Variants in CTSH observed in about 807,000 individuals in gnomAD.
The protein encoded by CTSH is pro-cathepsin H.
Under a neutral mutation model 56.3 loss-of-function variants are expected in CTSH, and 52 were observed. The observed-to-expected ratio is 0.92, with a 90% CI of 0.74 to 1.16. The LOEUF is 1.16. Ranked by LOEUF, CTSH falls within the 50% of genes most tolerant of loss-of-function variation. CTSH has a pLI of 0.00. For synonymous variants in CTSH, 174 were observed against 155.7 expected (o/e 1.12, Z -0.88); for missense variants, 406 against 424.5 (o/e 0.96, Z 0.38).
At position 78,944,964 on chromosome 15, in the gene CTSH, C is replaced by T; in HGVS notation, c.18G>A (p.Pro6=). Residue 6 remains proline (P), a synonymous_variant, in exon 1 of 12, where the codon CCG becomes CCA. Coordinates refer to ENST00000220166, the MANE Select transcript of CTSH (RefSeq NM_004390.5). MWATL[P]LLCAGAWLLG... ...GGAGCCAGGCCCCGGCGCAGAGCAG[C>T]GGCAGCGTGGCCCACATCGCAGCGC... is the stretch of plus-strand genomic sequence containing the variant. The T allele has an allele frequency of 6.5e-7, 1 of 1,545,302 alleles. No individual in the cohort carries two copies. Among genetic ancestry groups the T allele is most frequent in the South Asian group, 1.2e-5 (1 of 83,580 alleles).
At chr15:78,934,183 C>T (rs1482865563) in intron 5 of CTSH, among the ~76,000 whole-genome samples, 1 of 152,220 alleles carries the variant, frequency 6.6e-6, no homozygotes, top group Non-Finnish European at 1.5e-5. Flanking sequence ...ACACTGCAAG[C>T]CCGGGAGGCT....
Position 78,939,145 on chromosome 15 carries a change from A to T in CTSH, c.118T>A (p.Ser40Thr). 1.9e-6 allele frequency: 3 copies of T among 1,598,466 alleles called. No homozygotes were observed. The highest frequency in any genetic ancestry group is 2.6e-6 in the Non-Finnish European group (3 of 1,174,844). The change falls in exon 2 of 12, where the codon TCT becomes ACT. Residue 40 changes from serine (S) to threonine (T), a missense_variant. Ser to Thr is a moderately conservative substitution (Grantham distance 58, BLOSUM62 1). Transcript: ENST00000220166. ...LEKFHFKSWM[S>T]KHRKTYSTEE... ...AGAAGAAGTTGGGCACTGACCTTAG[A>T]CATCCATGACTTGAAGTGAAACTTC...
intron 10 of CTSH, among the ~76,000 whole-genome samples, chr15:78,923,663 C>A (rs971356572): frequency 6.6e-6 from 1 of 152,194 alleles, no homozygotes; most frequent in Non-Finnish European, 1.5e-5. Flanking sequence ...TCACCCCTGA[C>A]ACTTTCTACT....
At chr15:78,929,354 GGAGT>G (rs1357498948) in intron 8 of CTSH, 54 bp downstream of exon 8, 10 of 1,302,234 alleles carry the variant, frequency 7.7e-6, no homozygotes, top group Non-Finnish European at 1.0e-5. Flanking sequence ...GGCTGGGGAG[GGAGT>G]GAAGCTAGGC....
chr15:78,923,924 G>A (rs1483603504), intron 10 of CTSH, among the ~76,000 whole-genome samples: 3 of 152,200 alleles, frequency 2.0e-5, no homozygotes, highest in Non-Finnish European at 4.4e-5. Context: ...GTGGGCCATA[G>A]GCTCGCGCCA....
chr15:78,923,034 C>T lies in CTSH; in HGVS notation c.891G>A (p.Trp297Ter), dbSNP rs771283978. The T allele has an allele frequency of 6.2e-7, 1 of 1,613,286 alleles. No homozygotes were observed. The highest frequency in any genetic ancestry group is 1.7e-5 in the Admixed American group (1 of 59,832). Residue 297 changes from tryptophan (W) to a stop codon, truncating the protein, a stop_gained, in exon 11 of 12, where the codon TGG becomes TGA. Transcript: ENST00000220166. LOFTEE classifies it high-confidence loss of function. The stretch of plus-strand genomic sequence containing the variant: ...GGGGACCCCAAGAGTTTTTCACGAT[C>T]CAGTAAGGGATCCCATTTTTTTCTC... ...GYGEKNGIPY[W>*]IVKNSWGPQW...
At chr15:78,932,305 G>A in intron 6 of CTSH, 67 bp downstream of exon 6, 1 of 1,438,314 alleles carries the variant, frequency 7.0e-7, no homozygotes. Flanking sequence ...GAAACCAAAG[G>A]CCCAGGCCTG....
chr15:78,922,222 G>T lies in CTSH; in HGVS notation c.933-17C>A. ...AGGAAGTACCTGGGCAGAAAGAGGAGCTGAGGCCCGGCCGGCGGTCTCCCC... is the reference window on the plus strand; with the variant it reads ...AGGAAGTACCTGGGCAGAAAGAGGATCTGAGGCCCGGCCGGCGGTCTCCCC... On this transcript the variant is annotated splice_polypyrimidine_tract_variant and intron_variant, in intron 11 of 11. Transcript: ENST00000220166. 6.4e-7 allele frequency: 1 copy of T among 1,562,008 alleles called. No individual in the cohort carries two copies.
chr15:78,928,295 C>T (rs1455009725), intron 8 of CTSH, among the ~76,000 whole-genome samples: 16 of 151,834 alleles, frequency 1.1e-4, no homozygotes, highest in Non-Finnish European at 1.8e-4. Context: ...TGGCCGGGCA[C>T]GGTGGCTCAC....
Position 78,921,996 on chromosome 15 carries a change from G to T in CTSH, c.*134C>A. ...CCTTGTCTGTAGGTTTCCAGGCTGG[G>T]CACAGAGGTGAGGGCAGAATGTTGG... On this transcript the variant is annotated 3_prime_UTR_variant, in exon 12 of 12. Transcript: ENST00000220166. The T allele has an allele frequency of 1.3e-6, 1 of 756,868 alleles. No individual in the cohort carries two copies. The highest frequency in any genetic ancestry group is 2.2e-6 in the Non-Finnish European group (1 of 461,838). 46.9% of individuals were successfully genotyped at this position (756,868 alleles called of 1,614,324 possible).
chr15:78,932,262 A>T, intron 6 of CTSH, 110 bp downstream of exon 6: 1 of 992,640 alleles, frequency 1.0e-6, no homozygotes, highest in Non-Finnish European at 1.5e-6. Context: ...ATCTGGGTCC[A>T]CCTGAAACAG....
intron 8 of CTSH, 38 bp downstream of exon 8, chr15:78,929,374 G>T: frequency 2.0e-6 from 3 of 1,512,742 alleles, no homozygotes; most frequent in Non-Finnish European, 2.8e-6. Flanking sequence ...TAGGCATGCT[G>T]TACGCCAAGA....
In CTSH at chr15:78,921,946, C is replaced by G; in HGVS notation, c.*184G>C. Reference sequence around the variant, plus strand: ...GCTGGTGATCTTTGCGTCATAGACACGGGTGAGCTCATGGTGGAACTCCTC... The same window carrying G: ...GCTGGTGATCTTTGCGTCATAGACAGGGGTGAGCTCATGGTGGAACTCCTC... On this transcript the variant is annotated 3_prime_UTR_variant, in exon 12 of 12. Coordinates refer to ENST00000220166, the MANE Select transcript of CTSH (RefSeq NM_004390.5). The G allele has an allele frequency of 1.7e-6, 1 of 600,202 alleles. No individual in the cohort carries two copies. Among genetic ancestry groups the G allele is most frequent in the Non-Finnish European group, 3.0e-6 (1 of 338,070 alleles). 37.2% of individuals were successfully genotyped at this position (600,202 alleles called of 1,614,324 possible).
chr15:78,925,375 C>T lies in CTSH; in HGVS notation c.765G>A (p.Val255=). The T allele has an allele frequency of 6.2e-7, 1 of 1,613,856 alleles. No individual in the cohort carries two copies. The highest frequency in any genetic ancestry group is 8.5e-7 in the Non-Finnish European group (1 of 1,179,778). Residue 255 remains valine, a synonymous_variant, in exon 10 of 12, where the codon GTG becomes GTA. Transcript: ENST00000220166. ...TTCTATACATCATGAAGTCCTGAGTCACCTCAAAGGCAAAGCTCACAGGGT... is the reference window on the plus strand; with the variant it reads ...TTCTATACATCATGAAGTCCTGAGTTACCTCAAAGGCAAAGCTCACAGGGT... ...LYNPVSFAFE[V]TQDFMMYRTG...
chr15:78,937,517 T>G, intron 2 of CTSH, 94 bp from the exon 3 acceptor site: 2 of 1,374,118 alleles, frequency 1.5e-6, no homozygotes, highest in Non-Finnish European at 2.0e-6. Context: ...AGATGAAGGT[T>G]TTCTTTCTGC....
rs1306599157 is a variant in CTSH, at chr15:78,944,692, TACAAGCCGCCC to T, written c.91+188_91+198del. On this transcript the variant is annotated intron_variant, in intron 1 of 11. Transcript: ENST00000220166. ...CTCAGCCCATCTGCTCCTCTGGTCC[TACAAGCCGCCC>T]ACCCTCCGAGAACCCCCGCCTATAA... The T allele has an allele frequency of 3.7e-6, 4 of 1,094,112 alleles. No homozygotes were observed. The Admixed American group carries it at 1.4e-4, about 38-fold the overall frequency. The allele number at this position is 1,094,112 out of a possible 1,614,324, so 67.8% of individuals were successfully genotyped here.
At chr15:78,923,313 G>A (rs541559726) in intron 10 of CTSH, among the ~76,000 whole-genome samples, 195 bp from the exon 11 acceptor site, 2 of 152,028 alleles carry the variant, frequency 1.3e-5, no homozygotes, top group African/African-American at 4.8e-5. Context: ...CTTTTGAGAC[G>A]GAGTCTCACT....
chr15:78,926,645 G>A (rs924597167), intron 9 of CTSH: 3 of 152,222 alleles, frequency 2.0e-5, no homozygotes, highest in African/African-American at 7.2e-5. Context: ...CCTGAGTACA[G>A]GATTTGCGCT....
intron 3 of CTSH, among the ~76,000 whole-genome samples, chr15:78,936,175 CTTTT>C (rs1567371598): frequency 6.1e-5 from 8 of 130,808 alleles, no homozygotes; most frequent in Non-Finnish European, 9.4e-5. Flanking sequence ...TTTTTCTTTT[CTTTT>C]CTTTTTTTTT....
Sources: gnomAD v4.1 joint callset for allele counts (sites outside exome capture counted in the v4.1 genomes callset) on GRCh38, gnomAD v4.1.1 for gene constraint, MANE v1.5 for transcripts, NCBI Gene and HGNC (gene_info 2026-07-23, HGNC 2026-07-21) for gene names.